GSK3B: variants seen among roughly 807,000 people sequenced by gnomAD.
The protein encoded by GSK3B is glycogen synthase kinase-3 beta.
GSK3B carries 15 observed loss-of-function variants against 56.4 expected under a neutral mutation model. The ratio of observed to expected loss-of-function variants is 0.27; its 90% CI spans 0.18 to 0.41. The LOEUF is 0.41. Ranked by LOEUF, GSK3B falls within the 10% of genes least tolerant of loss-of-function variation. The pLI is 1.00. For missense variants in GSK3B, 300 were observed against 513.4 expected (o/e 0.58, Z 4.02); for synonymous variants, 181 against 188.9 (o/e 0.96, Z 0.34).
intron 10 of GSK3B, among the ~76,000 whole-genome samples, chr3:119,828,481 C>T (rs2055549702): frequency 6.6e-6 from 1 of 152,198 alleles, no homozygotes; most frequent in Non-Finnish European, 1.5e-5. Context: ...CTAGAAGCCA[C>T]AATGCCATCA....
Position 120,093,369 on chromosome 3 carries a change from A to G in GSK3B, c.66T>C (p.Ala22=), listed in dbSNP as rs762308837. The change falls in exon 1 of 11, where the codon GCT becomes GCC. Residue 22 remains alanine (A), a synonymous_variant. Coordinates refer to ENST00000264235, the MANE Select transcript of GSK3B (RefSeq NM_001146156.2). The part of the protein sequence containing the change: ...ESCKPVQQPS[A]FGSMKVSRDK... The stretch of plus-strand genomic sequence containing the variant: ...CACTGCTAACTTTCATGCTGCCAAA[A>G]GCTGAAGGCTGCTGCACCGGCTTGC... 6.2e-7 allele frequency: 1 copy of G among 1,613,496 alleles called. No homozygotes were observed. The highest frequency in any genetic ancestry group is 1.1e-5 in the South Asian group (1 of 91,062).
At chr3:120,056,635 G>T (rs950185434) in intron 1 of GSK3B, among the ~76,000 whole-genome samples, 1 of 152,102 alleles carries the variant, frequency 6.6e-6, no homozygotes, top group Non-Finnish European at 1.5e-5. Flanking sequence ...CACTGTGCCT[G>T]ACCAGAGGTT....
At chr3:119,853,720 T>A (rs913199830) in intron 9 of GSK3B, among the ~76,000 whole-genome samples, 2 of 152,168 alleles carry the variant, frequency 1.3e-5, no homozygotes, top group Non-Finnish European at 2.9e-5. Flanking sequence ...TGGCTCTCTG[T>A]TTGTCTGTTA....
At chr3:119,994,693 C>T (rs1576256108) in intron 2 of GSK3B, among the ~76,000 whole-genome samples, 2 of 152,146 alleles carry the variant, frequency 1.3e-5, no homozygotes, top group East Asian at 3.9e-4. Flanking sequence ...TATGAAGAAA[C>T]ATTACACAAA....
At chr3:119,957,920 GACAAGTAT>G (rs1346935328) in intron 2 of GSK3B, among the ~76,000 whole-genome samples, 1 of 152,108 alleles carries the variant, frequency 6.6e-6, no homozygotes, top group Non-Finnish European at 1.5e-5. Flanking sequence ...TTCAAAATAA[GACAAGTAT>G]ACAAGTAGGC....
intron 1 of GSK3B, among the ~76,000 whole-genome samples, chr3:120,026,329 G>A (rs186738904): frequency 1.3e-5 from 2 of 152,254 alleles, no homozygotes; most frequent in East Asian, 1.9e-4. Context: ...ATCTGCTGGA[G>A]CAAGAGCAGC....
rs1195216101 is a variant in GSK3B, at chr3:120,094,116, T to C, written c.-682A>G. The C allele has an allele frequency of 8.7e-5, 20 of 228,880 alleles. No homozygotes were observed. In the East Asian group the frequency reaches 1.3e-3, roughly 14 times the overall value. 14.2% of individuals were successfully genotyped at this position (228,880 alleles called of 1,614,324 possible). A position where few individuals can be genotyped will look rare whatever the true frequency, so the allele number is the denominator to read the frequency against. Reference sequence around the variant, plus strand: ...AGGCGGCGGCTGGATCCAGCGGCCATGGCGGTGGCGGAGGCAGCTCCCTTC... The same window carrying C: ...AGGCGGCGGCTGGATCCAGCGGCCACGGCGGTGGCGGAGGCAGCTCCCTTC... On this transcript the variant is annotated 5_prime_UTR_variant, in exon 1 of 11. It removes an upstream start codon present in the reference 5' UTR. Coordinates refer to ENST00000264235, the MANE Select transcript of GSK3B (RefSeq NM_001146156.2).
chr3:120,043,030 C>G (rs902242682), intron 1 of GSK3B, among the ~76,000 whole-genome samples: 28 of 152,222 alleles, frequency 1.8e-4, no homozygotes, highest in African/African-American at 6.5e-4. Flanking sequence ...TACTTGGTCT[C>G]TCCTTTACTT....
chr3:119,905,216 T>C (rs766812018), intron 7 of GSK3B, among the ~76,000 whole-genome samples: 6 of 151,724 alleles, frequency 4.0e-5, no homozygotes, highest in Non-Finnish European at 7.4e-5. Context: ...AATAAAATTA[T>C]ATTAAATTCA....
chr3:119,889,151 T>C (rs925975906), intron 7 of GSK3B, among the ~76,000 whole-genome samples: 2 of 152,034 alleles, frequency 1.3e-5, no homozygotes, highest in Admixed American at 6.6e-5. Context: ...TTGCATCCCC[T>C]CCCCTTTTGA....
intron 1 of GSK3B, among the ~76,000 whole-genome samples, chr3:120,032,013 G>A (rs924028959): frequency 1.3e-5 from 2 of 152,066 alleles, no homozygotes; most frequent in African/African-American, 4.8e-5. Context: ...ATGAGCTATT[G>A]AACACCTGAA....
At chr3:119,955,676 CAG>C (rs1394944552) in intron 2 of GSK3B, among the ~76,000 whole-genome samples, 5 of 151,970 alleles carry the variant, frequency 3.3e-5, no homozygotes, top group Non-Finnish European at 2.9e-5. Flanking sequence ...TGTTTTGAGA[CAG>C]AGTCTCACTC....
intron 10 of GSK3B, among the ~76,000 whole-genome samples, chr3:119,839,999 A>C (rs1439123203): frequency 1.3e-5 from 2 of 152,150 alleles, no homozygotes; most frequent in South Asian, 2.1e-4. Context: ...TTTATAGTTT[A>C]ATAGTTTATT....
intron 1 of GSK3B, chr3:120,029,691 G>C: frequency 1.9e-6 from 1 of 532,836 alleles, no homozygotes; most frequent in Non-Finnish European, 3.7e-6. Context: ...GGATACAGCA[G>C]AAATCTTCAT....
At chr3:119,871,597 G>A (rs188185699) in intron 8 of GSK3B, among the ~76,000 whole-genome samples, 78 of 152,260 alleles carry the variant, frequency 5.1e-4, no homozygotes, top group African/African-American at 1.9e-3. Flanking sequence ...AATATTTCAT[G>A]GGAGAAGTGA....
chr3:119,967,285 C>G (rs1329793165), intron 2 of GSK3B, among the ~76,000 whole-genome samples: 1 of 152,140 alleles, frequency 6.6e-6, no homozygotes, highest in Non-Finnish European at 1.5e-5. Context: ...ACTATGTTGG[C>G]CAGGCTGGTC....
At chr3:120,020,434 C>T (rs2057866818) in intron 1 of GSK3B, among the ~76,000 whole-genome samples, 1 of 152,192 alleles carries the variant, frequency 6.6e-6, no homozygotes, top group South Asian at 2.1e-4. Context: ...ACTTTTCCAA[C>T]AGCATATGCT....
At chr3:119,873,276 C>T (rs1405217584) in intron 8 of GSK3B, among the ~76,000 whole-genome samples, 2 of 151,968 alleles carry the variant, frequency 1.3e-5, no homozygotes, top group Non-Finnish European at 2.9e-5. Context: ...CCTGTATCCC[C>T]TTACCTCAAT....
At chr3:119,972,499 G>A (rs113979509) in intron 2 of GSK3B, among the ~76,000 whole-genome samples, 3,935 of 152,190 alleles carry the variant, frequency 0.026, 170 homozygotes, top group African/African-American at 0.089. Flanking sequence ...ACAGTGGTGC[G>A]ATCTCGGCTC....
Sources: gnomAD v4.1 joint callset for allele counts (sites outside exome capture counted in the v4.1 genomes callset) on GRCh38, gnomAD v4.1.1 for gene constraint, MANE v1.5 for transcripts, NCBI Gene and HGNC (gene_info 2026-07-23, HGNC 2026-07-21) for gene names.